The following GRID2IP variants were observed in gnomAD, a reference collection of about 807,000 sequenced individuals.
The protein encoded by GRID2IP is delphilin.
Under a neutral mutation model 114.3 loss-of-function variants are expected in GRID2IP, and 78 were observed. The ratio of observed to expected loss-of-function variants is 0.68; its 90% confidence interval spans 0.57 to 0.82. The LOEUF is 0.82. Among genes scored for constraint, GRID2IP ranks in the 40% least tolerant of loss-of-function variants. The pLI is 0.00. For missense variants in GRID2IP, 1,727 were observed against 1,678.5 expected (o/e 1.03, Z -0.51); for synonymous variants, 809 against 724.0 (o/e 1.12, Z -1.89).
At chr7:6,547,297 T>C (rs1303624250) in intron 1 of GRID2IP, among the ~76,000 whole-genome samples, 1 of 152,158 alleles carries the variant, frequency 6.6e-6, no homozygotes, top group Non-Finnish European at 1.5e-5. Flanking sequence ...TCCCAGCACT[T>C]TGGGAGGCTG....
intron 8 of GRID2IP, among the ~76,000 whole-genome samples, chr7:6,511,330 C>G (rs1288849979): frequency 6.6e-6 from 1 of 152,132 alleles, no homozygotes; most frequent in Non-Finnish European, 1.5e-5. Flanking sequence ...TGTGCTTGCC[C>G]CAGGCCAAGT....
chr7:6,519,216 T>C lies in GRID2IP; in HGVS notation c.1268+1362A>G, dbSNP rs936193299. On this transcript the variant is annotated intron_variant, in intron 7 of 21. Coordinates refer to ENST00000457091, the MANE Select transcript of GRID2IP (RefSeq NM_001145118.2). This position sits in a 1 kb window ranked among gnomAD's most constrained non-coding sequence, Gnocchi z 4.1. The stretch of plus-strand genomic sequence containing the variant: ...ATAGGTGTCTGGCCTGGGTTTCTTT[T>C]TGATGTGATGAAGTTTTAAAATGGA... 6.6e-6 allele frequency among the ~76,000 whole-genome samples: 1 copy of C among 152,204 alleles called. No homozygotes were observed. Among genetic ancestry groups the C allele is most frequent in the Non-Finnish European group, 1.5e-5 (1 of 68,044 alleles).
intron 17 of GRID2IP, 43 bp from the exon 18 acceptor site, chr7:6,502,915 C>T: frequency 6.5e-7 from 1 of 1,538,968 alleles, no homozygotes; most frequent in African/African-American, 1.4e-5. Context: ...CACCCCACCA[C>T]CCATCCACCC....
chr7:6,498,160 C>G lies in GRID2IP; in HGVS notation c.3468G>C (p.Glu1156Asp). 1 of 1,551,520 alleles carries G rather than the reference C, an allele frequency of 6.4e-7. No homozygotes were observed. The highest frequency in any genetic ancestry group is 8.7e-7 in the Non-Finnish European group (1 of 1,146,922). ...LDGLQREAME[E>D]LGKALAFFGE... ...CAAAGAAGGCCAGCGCCTTGCCCAG[C>G]TCCTCCATGGCCTCGCGCTGCAGCC... Residue 1156 changes from glutamate to aspartate, a missense_variant, in exon 21 of 22, where the codon GAG becomes GAC. By Grantham distance (45) the Glu-to-Asp change is conservative. Coordinates refer to ENST00000457091, the MANE Select transcript of GRID2IP (RefSeq NM_001145118.2).
At chr7:6,540,493 TTTTAA>T (rs1173893776) in intron 1 of GRID2IP, among the ~76,000 whole-genome samples, 1 of 151,714 alleles carries the variant, frequency 6.6e-6, no homozygotes, top group Non-Finnish European at 1.5e-5. Flanking sequence ...TATTTATTTA[TTTTAA>T]TTTAATTTTT....
chr7:6,529,542 G>A (rs575662499), intron 2 of GRID2IP, among the ~76,000 whole-genome samples: 1 of 152,208 alleles, frequency 6.6e-6, no homozygotes, highest in African/African-American at 2.4e-5. Flanking sequence ...TTCCTTACTT[G>A]GTGTTTTTGG....
At chr7:6,502,399 A>G (rs2115352643) in intron 18 of GRID2IP, among the ~76,000 whole-genome samples, 1 of 152,182 alleles carries the variant, frequency 6.6e-6, no homozygotes, top group Middle Eastern at 3.4e-3. Flanking sequence ...TTATTTTTGT[A>G]GAACTGGGGT....
Position 6,534,416 on chromosome 7 carries a change from T to G in GRID2IP, c.584+5302A>C, listed in dbSNP as rs1779688905. On this transcript the variant is annotated intron_variant, in intron 2 of 21. Coordinates refer to ENST00000457091, the MANE Select transcript of GRID2IP (RefSeq NM_001145118.2). This position sits in a 1 kb window ranked among gnomAD's most constrained non-coding sequence, Gnocchi z 4.5. ...ATTAGAAAGCCATTTTCTCACTTCA[T>G]CAGACCGGGGTCCCTTTGGGGAGAG... 6.6e-6 allele frequency among the ~76,000 whole-genome samples: 1 copy of G among 152,326 alleles called. No individual in the cohort carries two copies. The highest frequency in any genetic ancestry group is 6.5e-5 in the Admixed American group (1 of 15,294).
intron 2 of GRID2IP, among the ~76,000 whole-genome samples, chr7:6,537,370 C>CCTT (rs1554277515): frequency 1.7e-5 from 1 of 58,356 alleles, no homozygotes; most frequent in African/African-American, 6.4e-5. Context: ...ATGGTGAGAC[C>CCTT]TTTTTTTTTT....
In GRID2IP at chr7:6,510,283, C is replaced by T. The variant is rs2115365852; in HGVS notation, c.1771G>A (p.Gly591Arg). 1 of 1,535,150 alleles carries T rather than the reference C, an allele frequency of 6.5e-7. No individual in the cohort carries two copies. Among genetic ancestry groups the T allele is most frequent in the African/African-American group, 1.4e-5 (1 of 72,478 alleles). Residue 591 changes from glycine to arginine, a missense_variant and splice_region_variant, in exon 11 of 22, where the codon GGG (glycine) becomes AGG (arginine). Coordinates refer to ENST00000457091, the MANE Select transcript of GRID2IP (RefSeq NM_001145118.2). ...TAGATGACAGAGGCTGGAGCCCTAC[C>T]TGTGGTGACTGCTGGGCTGGGGCCT... is the stretch of plus-strand genomic sequence containing the variant. ...PPGPSPAVTT[G>R]PRTLSGVSWP...
chr7:6,513,971 A>AC (rs1779237670), intron 8 of GRID2IP, among the ~76,000 whole-genome samples: 1 of 135,648 alleles, frequency 7.4e-6, no homozygotes, highest in African/African-American at 2.7e-5. Flanking sequence ...AAAAAAAAAA[A>AC]GGCTGGGCGT....
chr7:6,547,963 C>T (rs1315516057), intron 1 of GRID2IP, among the ~76,000 whole-genome samples: 3 of 152,154 alleles, frequency 2.0e-5, no homozygotes, highest in Non-Finnish European at 4.4e-5. Context: ...GCTGCTGGGG[C>T]AGAACTGAGC....
In GRID2IP at chr7:6,541,831, C is replaced by T. The variant is rs140124510; in HGVS notation, c.430-1959G>A. On this transcript the variant is annotated intron_variant, in intron 1 of 21. Coordinates refer to ENST00000457091, the MANE Select transcript of GRID2IP (RefSeq NM_001145118.2). The stretch of plus-strand genomic sequence containing the variant: ...CTCACATGTAGGAATTTATCTTACA[C>T]ACATCCTGACAAGACACATGCACGA... Among the ~76,000 whole-genome samples, 20 of 152,298 alleles carry T rather than the reference C, an allele frequency of 1.3e-4. 1 individual carries two copies. The East Asian group carries it at 3.7e-3, about 28-fold the overall frequency.
intron 15 of GRID2IP, among the ~76,000 whole-genome samples, chr7:6,504,345 C>T (rs951497701): frequency 6.7e-6 from 1 of 149,056 alleles, no homozygotes; most frequent in African/African-American, 2.5e-5. Flanking sequence ...AGGGAGGAGA[C>T]CGAATGGAGG....
Position 6,502,014 on chromosome 7 carries a change from C to A in GRID2IP, c.3255G>T (p.Leu1085=), listed in dbSNP as rs766059966. ...FPELLGFAQD[L]PTVPLAAKVN... is the part of the protein sequence containing the mutation. ...CTTTGGCAGCCAGGGGCACGGTGGG[C>A]AGGTCCTGAGCAAAGCCCAGGAGTT... Residue 1085 remains leucine (L), a synonymous_variant, in exon 19 of 22, where the codon CTG becomes CTT. Coordinates refer to ENST00000457091, the MANE Select transcript of GRID2IP (RefSeq NM_001145118.2). The A allele has an allele frequency of 9.3e-5, 145 of 1,551,278 alleles. 1 individual carries two copies. In the South Asian group the frequency reaches 1.6e-3, roughly 17 times the overall value.
chr7:6,515,823 G>T (rs1337580729), intron 7 of GRID2IP, among the ~76,000 whole-genome samples: 1 of 152,014 alleles, frequency 6.6e-6, no homozygotes, highest in South Asian at 2.1e-4. Context: ...AATAGGCTGG[G>T]GGTGGTGGCT....
chr7:6,514,331 T>C, intron 8 of GRID2IP, 44 bp downstream of exon 8: 1 of 1,449,850 alleles, frequency 6.9e-7, no homozygotes, highest in East Asian at 2.6e-5. Context: ...AGCTGGACAG[T>C]CAGCAGCTGC....
intron 2 of GRID2IP, among the ~76,000 whole-genome samples, chr7:6,533,361 C>G (rs1168806576): frequency 6.6e-6 from 1 of 152,058 alleles, no homozygotes; most frequent in Non-Finnish European, 1.5e-5. Context: ...GCCAATATCT[C>G]TCTTATTTAT....
intron 20 of GRID2IP, 129 bp from the exon 21 acceptor site, chr7:6,498,357 G>C: frequency 1.2e-6 from 1 of 811,146 alleles, no homozygotes; most frequent in Non-Finnish European, 1.9e-6. Context: ...GCCAGGCCCT[G>C]TGTCCAACAG....
Sources: allele counts gnomAD v4.1 joint callset (sites outside exome capture counted in the v4.1 genomes callset), GRCh38; gene constraint gnomAD v4.1.1; non-coding constraint Gnocchi (gnomAD v3.1); transcripts MANE v1.5; gene names NCBI Gene and HGNC (gene_info 2026-07-23, HGNC 2026-07-21).